SERINC5: variants seen among roughly 807,000 people sequenced by gnomAD.
The protein encoded by SERINC5 is serine incorporator 5.
In SERINC5, 41 loss-of-function variants were observed where a neutral mutation model predicts 63.1. The observed-to-expected ratio is 0.65, with a 90% CI of 0.51 to 0.84. The LOEUF is 0.84. Among genes scored for constraint, SERINC5 ranks in the 40% least tolerant of loss-of-function variants. The pLI is 0.00. For missense variants in SERINC5, 523 were observed against 573.0 expected (o/e 0.91, Z 0.89); for synonymous variants, 222 against 215.2 (o/e 1.03, Z -0.28).
intron 7 of SERINC5, among the ~76,000 whole-genome samples, chr5:80,159,462 A>G (rs1746750973): frequency 6.6e-6 from 1 of 152,086 alleles, no homozygotes; most frequent in Non-Finnish European, 1.5e-5. Context: ...GAGTGGCTAC[A>G]TGTGATATTG....
chr5:80,196,602 A>G (rs751414047), intron 2 of SERINC5, among the ~76,000 whole-genome samples: 3 of 152,234 alleles, frequency 2.0e-5, no homozygotes, highest in African/African-American at 4.8e-5. Context: ...AGCATAATTT[A>G]TAATAGCCAA....
At chr5:80,165,201 A>T (rs1305133758) in intron 7 of SERINC5, among the ~76,000 whole-genome samples, 1 of 151,644 alleles carries the variant, frequency 6.6e-6, no homozygotes, top group Non-Finnish European at 1.5e-5. Context: ...AGAGTATTTA[A>T]AAAAAAAACT....
chr5:80,127,101 C>T (rs765023504), intron 11 of SERINC5, among the ~76,000 whole-genome samples: 1 of 152,146 alleles, frequency 6.6e-6, no homozygotes, highest in African/African-American at 2.4e-5. Context: ...ACCTCCTATT[C>T]CCCATTACAG....
Position 80,138,778 on chromosome 5 carries a change from G to T in SERINC5, c.*4885C>A. 8.2e-6 allele frequency: 8 copies of T among 976,264 alleles called. No individual in the cohort carries two copies. The highest frequency in any genetic ancestry group is 9.7e-6 in the Non-Finnish European group (8 of 821,714). The allele number at this position is 976,264 out of a possible 1,614,324, so 60.5% of individuals were successfully genotyped here. On this transcript the variant is annotated 3_prime_UTR_variant, in exon 12 of 12. Coordinates refer to ENST00000507668, the MANE Select transcript of SERINC5 (RefSeq NM_001174072.3). Reference sequence around the variant, plus strand: ...ATTTGTCAATTAAAGGATCAGCATAGACTCCATGAAACTTGAGAGACCTGA... The same window carrying T: ...ATTTGTCAATTAAAGGATCAGCATATACTCCATGAAACTTGAGAGACCTGA...
chr5:80,180,651 AG>A (rs1186710229), intron 2 of SERINC5, among the ~76,000 whole-genome samples: 1 of 152,170 alleles, frequency 6.6e-6, no homozygotes, highest in Non-Finnish European at 1.5e-5. Context: ...ATGCAGGAAA[AG>A]GGGGCAGGTG....
At chr5:80,161,043 T>G (rs1746885633) in intron 7 of SERINC5, among the ~76,000 whole-genome samples, 1 of 133,408 alleles carries the variant, frequency 7.5e-6, no homozygotes, top group Non-Finnish European at 1.6e-5. Flanking sequence ...CGTGTATATA[T>G]ATATATGTAT....
chr5:80,146,319 G>A, intron 10 of SERINC5, 85 bp from the exon 11 acceptor site: 1 of 1,494,364 alleles, frequency 6.7e-7, no homozygotes, highest in Non-Finnish European at 9.2e-7. Flanking sequence ...AATTCTACAG[G>A]GCTGTCAGTA....
chr5:80,178,058 A>G lies in SERINC5; in HGVS notation c.202T>C (p.Phe68Leu). The G allele has an allele frequency of 6.3e-7, 1 of 1,595,446 alleles. No individual in the cohort carries two copies. Among genetic ancestry groups the G allele is most frequent in the Non-Finnish European group, 8.5e-7 (1 of 1,173,294 alleles). The change falls in exon 3 of 12, where the codon TTT becomes CTT. Residue 68 changes from phenylalanine to leucine, a missense_variant. Phe to Leu is a conservative substitution (Grantham distance 22). Coordinates refer to ENST00000507668, the MANE Select transcript of SERINC5 (RefSeq NM_001174072.3). ...ATGCCTTTACACATATCTTCAAAAAAAGGAATCTGAGGAGAAAGTTTAGAA... is the reference window on the plus strand; with the variant it reads ...ATGCCTTTACACATATCTTCAAAAAGAGGAATCTGAGGAGAAAGTTTAGAA... Reference protein sequence around the residue: ...VAHKMKEHIPFFEDMCKGIKA... With the variant: ...VAHKMKEHIPLFEDMCKGIKA...
chr5:80,251,346 A>G (rs1752411295), intron 1 of SERINC5, among the ~76,000 whole-genome samples: 1 of 151,694 alleles, frequency 6.6e-6, no homozygotes, highest in South Asian at 2.1e-4. Context: ...ATGGGTTTTC[A>G]TTGAGGAAAA....
At chr5:80,219,937 G>A (rs537777817) in intron 1 of SERINC5, among the ~76,000 whole-genome samples, 4 of 152,134 alleles carry the variant, frequency 2.6e-5, no homozygotes, top group South Asian at 2.1e-4. Flanking sequence ...GGCCAGGCGC[G>A]GTGGCTCACG....
chr5:80,114,892 G>A (rs990777588), intron 11 of SERINC5, among the ~76,000 whole-genome samples: 1 of 151,986 alleles, frequency 6.6e-6, no homozygotes, highest in African/African-American at 2.4e-5. Flanking sequence ...TTTTAAATGA[G>A]TAAGGTGGAA....
chr5:80,159,012 T>G (rs1443793952), intron 7 of SERINC5, 50 bp from the exon 8 acceptor site: 1 of 1,605,334 alleles, frequency 6.2e-7, no homozygotes, highest in African/African-American at 1.3e-5. Flanking sequence ...AGGCCAGTTG[T>G]AACGCACAGA....
chr5:80,255,927 G>A lies in SERINC5; in HGVS notation c.-5C>T. 3 of 1,555,510 alleles carry A rather than the reference G, an allele frequency of 1.9e-6. No individual in the cohort carries two copies. Among genetic ancestry groups the A allele is most frequent in the Non-Finnish European group, 1.7e-6 (2 of 1,159,376 alleles). Reference sequence around the variant, plus strand: ...CGCACAGCACTGAGCTGACATCGCGGCGGCCAATGCCGAAGGCGCGCTCGC... The same window carrying A: ...CGCACAGCACTGAGCTGACATCGCGACGGCCAATGCCGAAGGCGCGCTCGC... On this transcript the variant is annotated 5_prime_UTR_variant, in exon 1 of 12. Coordinates refer to ENST00000507668, the MANE Select transcript of SERINC5 (RefSeq NM_001174072.3).
At chr5:80,188,282 CAAAAAAA>C (rs34863168) in intron 2 of SERINC5, among the ~76,000 whole-genome samples, 12 of 82,790 alleles carry the variant, frequency 1.4e-4, no homozygotes, top group Non-Finnish European at 2.2e-4. Flanking sequence ...GACTCCGTCT[CAAAAAAA>C]AAAAAAAAAA....
At chr5:80,183,207 G>A (rs1427018777) in intron 2 of SERINC5, among the ~76,000 whole-genome samples, 2 of 152,192 alleles carry the variant, frequency 1.3e-5, no homozygotes, top group African/African-American at 4.8e-5. Flanking sequence ...ATTGGCAGGA[G>A]AGCACAGATG....
chr5:80,130,529 C>A (rs746357510), intron 11 of SERINC5, among the ~76,000 whole-genome samples: 1 of 152,154 alleles, frequency 6.6e-6, no homozygotes, highest in Non-Finnish European at 1.5e-5. Flanking sequence ...CCCGGTTTGT[C>A]GTAACCTTGA....
Position 80,147,349 on chromosome 5 carries a change from A to G in SERINC5, c.1054-65T>C, listed in dbSNP as rs74909114. 0.013 allele frequency: 20,290 copies of G among 1,513,256 alleles called. 2,252 individuals are homozygous for G. In the African/African-American group the frequency reaches 0.24, roughly 18 times the overall value. The allele number at this position is 1,513,256 out of a possible 1,614,324, so 93.7% of individuals were successfully genotyped here. A position where few individuals can be genotyped will look rare whatever the true frequency, so the allele number is the denominator to read the frequency against. ...ATTTCTAGTCCACCTCAGCAAGACAACAGTAACCCTTATTTGAACCACCTC... is the reference window on the plus strand; with the variant it reads ...ATTTCTAGTCCACCTCAGCAAGACAGCAGTAACCCTTATTTGAACCACCTC... On this transcript the variant is annotated intron_variant, in intron 9 of 11. Transcript: ENST00000507668.
chr5:80,223,104 G>A (rs1750985993), intron 1 of SERINC5, among the ~76,000 whole-genome samples: 2 of 152,184 alleles, frequency 1.3e-5, no homozygotes, highest in South Asian at 4.1e-4. Flanking sequence ...CAATCCACCA[G>A]CATCAGCCTT....
Position 80,229,021 on chromosome 5 carries a change from CT to C in SERINC5, c.28-25969del, listed in dbSNP as rs1166636996. ...AAAATACCACCAATGTTTTACATAC[CT>C]TTTTTTTTTTTTTTTTTTTTTTTTT... On this transcript the variant is annotated intron_variant, in intron 1 of 11. Coordinates refer to ENST00000507668, the MANE Select transcript of SERINC5 (RefSeq NM_001174072.3). Among the ~76,000 whole-genome samples the C allele has an allele frequency of 2.8e-3, 241 of 85,990 alleles. 1 individual carries two copies. Among genetic ancestry groups the C allele is most frequent in the Admixed American group, 9.6e-3 (60 of 6,252 alleles). 56.4% of individuals were successfully genotyped at this position (85,990 alleles called of 152,430 possible). A position where few individuals can be genotyped will look rare whatever the true frequency, so the allele number is the denominator to read the frequency against.
Sources: allele counts gnomAD v4.1 joint callset (sites outside exome capture counted in the v4.1 genomes callset), GRCh38; gene constraint gnomAD v4.1.1; transcripts MANE v1.5; gene names NCBI Gene and HGNC (gene_info 2026-07-23, HGNC 2026-07-21).